GABBR2: variants seen among roughly 807,000 people sequenced by gnomAD.
GABBR2 encodes gamma-aminobutyric acid type B receptor subunit 2.
In GABBR2, 23 loss-of-function variants were observed where a neutral mutation model predicts 105.6. The ratio of observed to expected loss-of-function variants is 0.22; its 90% CI spans 0.16 to 0.31. The LOEUF (loss-of-function observed/expected upper bound fraction) is 0.31, where lower values mean the gene tolerates loss of function less well. GABBR2 is among the 10% of genes least tolerant of loss of function. GABBR2 has a pLI of 1.00. For missense variants in GABBR2, 734 were observed against 1,245.5 expected (o/e 0.59, Z 6.18); for synonymous variants, 478 against 499.7 (o/e 0.96, Z 0.58).
In GABBR2 at chr9:98,347,866, T is replaced by C. The variant is rs553778064; in HGVS notation, c.1893+14849A>G. ...GCGCCAGGTGGAGATAATTGAATCA[T>C]GGGGGCAATTTCCCCCATACTATTC... On this transcript the variant is annotated intron_variant, in intron 13 of 18. Coordinates refer to ENST00000259455, the MANE Select transcript of GABBR2 (RefSeq NM_005458.8). 5.8e-4 allele frequency among the ~76,000 whole-genome samples: 89 copies of C among 152,306 alleles called. No individual in the cohort carries two copies. In the South Asian group the frequency reaches 0.011, roughly 18 times the overall value.
At chr9:98,328,960 C>A (rs973696218) in intron 13 of GABBR2, among the ~76,000 whole-genome samples, 12 of 152,252 alleles carry the variant, frequency 7.9e-5, no homozygotes, top group African/African-American at 2.4e-4. Context: ...CTTGTGGCCA[C>A]CATGTAACCT....
intron 7 of GABBR2, among the ~76,000 whole-genome samples, chr9:98,431,486 A>AG (rs1825807784): frequency 6.6e-6 from 1 of 152,126 alleles, no homozygotes; most frequent in Non-Finnish European, 1.5e-5. Flanking sequence ...AAAAGGTGAT[A>AG]GAAAAAAAAA....
intron 1 of GABBR2, among the ~76,000 whole-genome samples, chr9:98,677,763 G>C (rs1030258651): frequency 6.6e-6 from 1 of 151,990 alleles, no homozygotes; most frequent in Admixed American, 6.6e-5. Context: ...AAGTACACTA[G>C]CCTCAGGGCC....
intron 2 of GABBR2, among the ~76,000 whole-genome samples, chr9:98,560,376 C>G (rs1415631824): frequency 6.6e-6 from 1 of 151,546 alleles, no homozygotes; most frequent in Non-Finnish European, 1.5e-5. Context: ...CACCACCCAG[C>G]ACACGTGCGT....
intron 1 of GABBR2, chr9:98,607,422 A>C: frequency 3.2e-6 from 2 of 628,606 alleles, no homozygotes; most frequent in Non-Finnish European, 5.8e-6. Context: ...AGACACACTC[A>C]CACCAGAGGA....
chr9:98,572,587 C>T (rs1305750721), intron 2 of GABBR2, among the ~76,000 whole-genome samples: 2 of 152,212 alleles, frequency 1.3e-5, no homozygotes, highest in African/African-American at 2.4e-5. Context: ...TCTCTGGAAA[C>T]AAGCTTAGCC....
At chr9:98,662,283 C>A (rs1009865724) in intron 1 of GABBR2, among the ~76,000 whole-genome samples, 8 of 152,096 alleles carry the variant, frequency 5.3e-5, no homozygotes, top group African/African-American at 1.7e-4. Context: ...AAACTTTCAC[C>A]ATGGCCAGCT....
chr9:98,684,302 G>C (rs1357297321), intron 1 of GABBR2, among the ~76,000 whole-genome samples: 1 of 151,704 alleles, frequency 6.6e-6, no homozygotes, highest in African/African-American at 2.4e-5. Flanking sequence ...GTGTTAGATA[G>C]TCAGGTTATA....
chr9:98,307,186 A>G (rs925433562), intron 14 of GABBR2, among the ~76,000 whole-genome samples: 1 of 152,150 alleles, frequency 6.6e-6, no homozygotes, highest in African/African-American at 2.4e-5. Flanking sequence ...CTCTTCAACC[A>G]TTATTATTTT....
intron 7 of GABBR2, among the ~76,000 whole-genome samples, chr9:98,423,698 G>C (rs922584620): frequency 5.9e-5 from 9 of 152,316 alleles, no homozygotes; most frequent in Admixed American, 5.2e-4. Context: ...TGTCCTGAAT[G>C]GTAATGCCTA....
At chr9:98,494,429 C>A (rs143189618) in intron 4 of GABBR2, among the ~76,000 whole-genome samples, 1 of 152,246 alleles carries the variant, frequency 6.6e-6, no homozygotes, top group African/African-American at 2.4e-5. Context: ...GTGAGGGGAG[C>A]CTTTGCCAAC....
intron 3 of GABBR2, among the ~76,000 whole-genome samples, chr9:98,509,584 T>C (rs1827592774): frequency 6.6e-6 from 1 of 152,122 alleles, no homozygotes; most frequent in Admixed American, 6.5e-5. Context: ...AAGGACCTGA[T>C]GGAGCTGAAA....
chr9:98,452,037 C>T (rs1012121493), intron 7 of GABBR2, among the ~76,000 whole-genome samples: 3 of 152,224 alleles, frequency 2.0e-5, no homozygotes, highest in Admixed American at 2.0e-4. Context: ...CACTTTTAAC[C>T]TCTCATTGTT....
At position 98,311,077 on chromosome 9, in the gene GABBR2, C is replaced by A; in HGVS notation, c.2004+18G>T. The A allele has an allele frequency of 1.4e-6, 2 of 1,383,580 alleles. No individual in the cohort carries two copies. The highest frequency in any genetic ancestry group is 2.3e-5 in the South Asian group (2 of 86,118). The allele number at this position is 1,383,580 out of a possible 1,614,324, so 85.7% of individuals were successfully genotyped here. A position where few individuals can be genotyped will look rare whatever the true frequency, so the allele number is the denominator to read the frequency against. ...AAGAAGTGTCCCCCCTCAACACTGT[C>A]TCCTGCTCTGCACCTACCATGAGAA... On this transcript the variant is annotated intron_variant, in intron 14 of 18. Coordinates refer to ENST00000259455, the MANE Select transcript of GABBR2 (RefSeq NM_005458.8).
At chr9:98,303,713 C>A (rs1830506442) in intron 15 of GABBR2, among the ~76,000 whole-genome samples, 1 of 152,240 alleles carries the variant, frequency 6.6e-6, no homozygotes, top group African/African-American at 2.4e-5. Context: ...GCCCCCGAGG[C>A]CTCACTCCAG....
At chr9:98,466,308 G>A (rs1262119273) in intron 6 of GABBR2, among the ~76,000 whole-genome samples, 1 of 152,224 alleles carries the variant, frequency 6.6e-6, no homozygotes, top group East Asian at 1.9e-4. Flanking sequence ...GAATGGCAAA[G>A]GAAGTCAGAA....
At chr9:98,447,979 C>A (rs77057956) in intron 7 of GABBR2, among the ~76,000 whole-genome samples, 1 of 152,124 alleles carries the variant, frequency 6.6e-6, no homozygotes, top group Non-Finnish European at 1.5e-5. Context: ...CTCTGCAAAT[C>A]GCCATCTGCT....
intron 13 of GABBR2, among the ~76,000 whole-genome samples, chr9:98,351,869 G>A (rs1173479014): frequency 6.6e-6 from 1 of 152,146 alleles, no homozygotes; most frequent in South Asian, 2.1e-4. Context: ...TGTTCCTTTG[G>A]AGGTATCATG....
intron 2 of GABBR2, among the ~76,000 whole-genome samples, chr9:98,576,823 A>C (rs2808530): frequency 0.12 from 17,945 of 152,198 alleles, 1,391 homozygotes; most frequent in Admixed American, 0.21. Context: ...AATAATGTGA[A>C]CCATACCTAT....
Sources: allele counts gnomAD v4.1 joint callset (sites outside exome capture counted in the v4.1 genomes callset), GRCh38; gene constraint gnomAD v4.1.1; transcripts MANE v1.5; gene names NCBI Gene and HGNC (gene_info 2026-07-23, HGNC 2026-07-21).